Variants in MVB12B observed in about 807,000 individuals in gnomAD.
MVB12B encodes the protein multivesicular body subunit 12B, also known as ESCRT-I complex subunit MVB12B.
In MVB12B, 16 loss-of-function variants were observed where a neutral mutation model predicts 41.6. The ratio of observed to expected loss-of-function variants is 0.38; its 90% CI spans 0.26 to 0.58. MVB12B has a LOEUF of 0.58. Ranked by LOEUF, MVB12B falls within the 20% of genes least tolerant of loss-of-function variation. The pLI is 0.62. For missense variants in MVB12B, 274 were observed against 380.2 expected (o/e 0.72, Z 2.32); for synonymous variants, 133 against 139.7 (o/e 0.95, Z 0.34).
rs10987255 is a variant in MVB12B, at chr9:126,362,398, A to G, written c.205-18666A>G. 5.0e-3 allele frequency among the ~76,000 whole-genome samples: 768 copies of G among 152,300 alleles called. 36 individuals are homozygous for G. In the East Asian group the frequency reaches 0.12, roughly 23 times the overall value. ...AAGCATAATAGATAAACTTCTGGCA[A>G]ATCTAATAGTAAAATAAAATAATAT... On this transcript the variant is annotated intron_variant, in intron 2 of 9. Transcript: ENST00000361171.
chr9:126,350,340 G>A (rs1433229865), intron 2 of MVB12B, among the ~76,000 whole-genome samples: 1 of 152,226 alleles, frequency 6.6e-6, no homozygotes, highest in Non-Finnish European at 1.5e-5. Flanking sequence ...TAATTTTGAT[G>A]AAGTCCAATT....
rs1833287072 is a variant in MVB12B, at chr9:126,470,419, C to G, written c.758-10950C>G. 2.6e-5 allele frequency among the ~76,000 whole-genome samples: 4 copies of G among 152,286 alleles called. No individual in the cohort carries two copies. In the South Asian group the frequency reaches 8.3e-4, roughly 32 times the overall value. On this transcript the variant is annotated intron_variant, in intron 7 of 9. Coordinates refer to ENST00000361171, the MANE Select transcript of MVB12B (RefSeq NM_033446.3). ...GTGTGGACTGTGGGGCAGCTGCCTT[C>G]CCTCTGTGCTCCCATAGCTTTCAGA...
At chr9:126,448,293 C>T (rs1832828550) in intron 7 of MVB12B, 1 of 152,582 alleles carries the variant, frequency 6.6e-6, no homozygotes, top group East Asian at 1.9e-4. Context: ...CAGAGTTTCC[C>T]TGCCCAGGGA....
At chr9:126,443,519 T>C (rs1253725328) in intron 7 of MVB12B, among the ~76,000 whole-genome samples, 1 of 152,220 alleles carries the variant, frequency 6.6e-6, no homozygotes, top group Non-Finnish European at 1.5e-5. Flanking sequence ...TTTTCTTACC[T>C]GAATGATAAA....
intron 3 of MVB12B, among the ~76,000 whole-genome samples, chr9:126,383,372 C>A (rs1402040026): frequency 6.6e-6 from 1 of 152,100 alleles, no homozygotes; most frequent in Non-Finnish European, 1.5e-5. Flanking sequence ...GACATTGCTT[C>A]CTGGGGAAGG....
At chr9:126,359,637 A>G (rs1292678446) in intron 2 of MVB12B, among the ~76,000 whole-genome samples, 3 of 152,086 alleles carry the variant, frequency 2.0e-5, no homozygotes, top group Non-Finnish European at 4.4e-5. Context: ...CTGCTAAGGA[A>G]TTTTTCATTT....
At chr9:126,494,920 G>A (rs937744164) in intron 9 of MVB12B, among the ~76,000 whole-genome samples, 9 of 150,346 alleles carry the variant, frequency 6.0e-5, no homozygotes, top group South Asian at 2.1e-4. Context: ...GGCCAGGCCC[G>A]GTGGCTCACA....
intron 9 of MVB12B, among the ~76,000 whole-genome samples, chr9:126,496,659 T>A (rs1288640614): frequency 6.6e-6 from 1 of 152,068 alleles, no homozygotes; most frequent in Non-Finnish European, 1.5e-5. Context: ...CGTAGGACTT[T>A]GCCACTTGAG....
chr9:126,423,623 C>A (rs1347696816), intron 7 of MVB12B, among the ~76,000 whole-genome samples: 1 of 152,204 alleles, frequency 6.6e-6, no homozygotes. Flanking sequence ...GCTGCAAGCA[C>A]CAAATTGCTC....
In MVB12B at chr9:126,350,679, A is replaced by G. The variant is rs1391462258; in HGVS notation, c.204+10049A>G. Among the ~76,000 whole-genome samples the G allele has an allele frequency of 2.6e-5, 4 of 152,134 alleles. No homozygotes were observed. The East Asian group carries it at 7.7e-4, about 29-fold the overall frequency. On this transcript the variant is annotated intron_variant, in intron 2 of 9. Transcript: ENST00000361171. ...TTATAAAGCCACCAGTTCTGCTCCC[A>G]TGATAACCAATCAATCCATTAATCC...
At chr9:126,381,219 A>G in intron 3 of MVB12B, 48 bp downstream of exon 3, 1 of 1,290,082 alleles carries the variant, frequency 7.8e-7, no homozygotes, top group East Asian at 2.3e-5. Context: ...CAAGTAATTT[A>G]CATTCCTGTT....
chr9:126,449,008 A>T (rs538360790), intron 7 of MVB12B, among the ~76,000 whole-genome samples: 16 of 152,220 alleles, frequency 1.1e-4, no homozygotes, highest in Non-Finnish European at 1.9e-4. Context: ...GTGGCATAGA[A>T]GGAAGGGCAG....
At chr9:126,477,685 C>T (rs1278526200) in intron 7 of MVB12B, among the ~76,000 whole-genome samples, 1 of 152,230 alleles carries the variant, frequency 6.6e-6, no homozygotes, top group Non-Finnish European at 1.5e-5. Flanking sequence ...ATTCAATTAC[C>T]TCCCACTGGC....
At chr9:126,500,226 G>A (rs1324148032) in intron 9 of MVB12B, among the ~76,000 whole-genome samples, 3 of 152,204 alleles carry the variant, frequency 2.0e-5, no homozygotes, top group Non-Finnish European at 4.4e-5. Flanking sequence ...GCAGAAGGGC[G>A]CGGCCCAGGA....
chr9:126,392,214 A>T lies in MVB12B; in HGVS notation c.539+19A>T, dbSNP rs1411372750. 3.7e-6 allele frequency: 6 copies of T among 1,613,162 alleles called. No homozygotes were observed. Among genetic ancestry groups the T allele is most frequent in the Non-Finnish European group, 5.1e-6 (6 of 1,179,252 alleles). ...TTATTGGGTGAGTCTTAATAACAGG[A>T]CTGTCAGCTGCTTCTCTTCCCTGAG... On this transcript the variant is annotated intron_variant, in intron 5 of 9. Transcript: ENST00000361171. This position sits in a 1 kb window ranked among gnomAD's most constrained non-coding sequence, Gnocchi z 4.8.
At chr9:126,383,251 T>G (rs1158607879) in intron 3 of MVB12B, among the ~76,000 whole-genome samples, 1 of 152,204 alleles carries the variant, frequency 6.6e-6, no homozygotes, top group Non-Finnish European at 1.5e-5. Flanking sequence ...CTGGACAGAT[T>G]CTTAATTAGC....
chr9:126,415,057 G>A (rs753415417), intron 6 of MVB12B, among the ~76,000 whole-genome samples: 2 of 151,938 alleles, frequency 1.3e-5, no homozygotes, highest in Non-Finnish European at 2.9e-5. Context: ...TGATGCTGTC[G>A]AGTACCTACT....
At chr9:126,498,097 C>G (rs56287675) in intron 9 of MVB12B, among the ~76,000 whole-genome samples, 37,319 of 152,168 alleles carry the variant, frequency 0.25, 5,359 homozygotes, top group African/African-American at 0.4. Context: ...CCTCCCGCAG[C>G]GTTTCAGAAG....
chr9:126,502,803 C>T (rs937638567), intron 9 of MVB12B, among the ~76,000 whole-genome samples: 5 of 152,342 alleles, frequency 3.3e-5, no homozygotes, highest in African/African-American at 1.2e-4. Flanking sequence ...CCAGCAGGGG[C>T]ATGAAAACTG....
Sources: gnomAD v4.1 joint callset for allele counts (sites outside exome capture counted in the v4.1 genomes callset) on GRCh38, gnomAD v4.1.1 for gene constraint, Gnocchi (gnomAD v3.1) non-coding constraint, MANE v1.5 for transcripts, NCBI Gene and HGNC (gene_info 2026-07-23, HGNC 2026-07-21) for gene names.